Variants in PALM2AKAP2 observed in about 807,000 individuals in gnomAD.
PALM2AKAP2 encodes PALM2-AKAP2 fusion protein.
Under a neutral mutation model 71.5 loss-of-function variants are expected in PALM2AKAP2, and 37 were observed. That is an observed-to-expected ratio of 0.52 (90% confidence interval 0.40 to 0.68). The LOEUF is 0.68. PALM2AKAP2 is among the 30% of genes least tolerant of loss of function. The pLI is 0.00. For synonymous variants in PALM2AKAP2, 468 were observed against 478.8 expected, an observed-to-expected ratio of 0.98 and a Z score of 0.29; for missense variants, 1,224 against 1,191.8, an observed-to-expected ratio of 1.03 and a Z score of -0.40.
At chr9:109,721,186 G>A (rs922285141) in intron 1 of PALM2AKAP2, among the ~76,000 whole-genome samples, 1 of 152,186 alleles carries the variant, frequency 6.6e-6, no homozygotes, top group African/African-American at 2.4e-5. Context: ...AGGATTCCCA[G>A]CTAATCAGTC....
At chr9:109,920,202 G>A (rs1368650875) in intron 3 of PALM2AKAP2, among the ~76,000 whole-genome samples, 2 of 152,172 alleles carry the variant, frequency 1.3e-5, no homozygotes, top group African/African-American at 4.8e-5. Context: ...ATTGGCTAAA[G>A]CAGGTCACAT....
intron 6 of PALM2AKAP2, among the ~76,000 whole-genome samples, chr9:109,952,558 CA>C (rs1831664507): frequency 6.6e-6 from 1 of 152,122 alleles, no homozygotes; most frequent in Non-Finnish European, 1.5e-5. Context: ...GAGTTTCAAC[CA>C]ATAGAACGTG....
chr9:109,851,630 A>G (rs1167766298), intron 1 of PALM2AKAP2, among the ~76,000 whole-genome samples: 5 of 152,106 alleles, frequency 3.3e-5, no homozygotes, highest in African/African-American at 1.2e-4. Context: ...ATAAAGACCA[A>G]CCTGCCTGCA....
exon 2 of PALM2AKAP2, chr9:110,137,116 G>A (rs757036441): frequency 2.1e-5 from 34 of 1,613,232 alleles, no homozygotes; most frequent in Admixed American, 3.3e-5. Flanking sequence ...AGCCCCCATC[G>A]CAGCTCTGCA....
intron 6 of PALM2AKAP2, among the ~76,000 whole-genome samples, chr9:109,939,628 C>A (rs1831313334): frequency 6.6e-6 from 1 of 152,068 alleles, no homozygotes; most frequent in African/African-American, 2.4e-5. Context: ...TATTCTAATC[C>A]CAAACTGCTT....
At chr9:109,751,031 A>G (rs1486227323) in intron 1 of PALM2AKAP2, among the ~76,000 whole-genome samples, 1 of 152,146 alleles carries the variant, frequency 6.6e-6, no homozygotes, top group African/African-American at 2.4e-5. Flanking sequence ...CAAACTGTAC[A>G]ATCTACTTAA....
At chr9:110,059,507 C>G (rs997567660) in intron 1 of PALM2AKAP2, among the ~76,000 whole-genome samples, 2 of 152,138 alleles carry the variant, frequency 1.3e-5, no homozygotes, top group Non-Finnish European at 2.9e-5. Context: ...GATTTAAGAC[C>G]AAGGCATTCC....
At chr9:109,861,117 G>C (rs922235781) in intron 1 of PALM2AKAP2, among the ~76,000 whole-genome samples, 1 of 152,190 alleles carries the variant, frequency 6.6e-6, no homozygotes, top group Admixed American at 6.5e-5. Flanking sequence ...GCTAGAATGG[G>C]GGTTCAGTGG....
intron 3 of PALM2AKAP2, among the ~76,000 whole-genome samples, chr9:109,902,794 C>T (rs1028993161): frequency 6.6e-5 from 10 of 152,140 alleles, no homozygotes; most frequent in Admixed American, 3.9e-4. Flanking sequence ...ATATGACCGA[C>T]GCCTGCTCTG....
At chr9:109,838,588 A>C (rs1828553921) in intron 1 of PALM2AKAP2, among the ~76,000 whole-genome samples, 1 of 152,232 alleles carries the variant, frequency 6.6e-6, no homozygotes, top group Non-Finnish European at 1.5e-5. Context: ...TGAATCCAGG[A>C]GCTGGTTTTT....
At chr9:110,083,171 C>T (rs1834486961) in intron 1 of PALM2AKAP2, among the ~76,000 whole-genome samples, 1 of 151,850 alleles carries the variant, frequency 6.6e-6, no homozygotes, top group African/African-American at 2.4e-5. Context: ...AAAACAAAAA[C>T]AATGACTTTA....
In PALM2AKAP2 at chr9:110,015,952, AGGAGTCGGGTG is replaced by A; in HGVS notation, c.500_510del (p.Val167GlufsTer8). 1.2e-6 allele frequency: 2 copies of A among 1,613,514 alleles called. No individual in the cohort carries two copies. The highest frequency in any genetic ancestry group is 1.7e-6 in the Non-Finnish European group (2 of 1,179,792). The stretch of plus-strand genomic sequence containing the variant: ...AAATGGCACTTCTTTTTTTTCTTTC[AGGAGTCGGGTG>A]GGAGAATGTGCTGCTAAAGGAAGGT... On this transcript the variant is annotated splice_acceptor_variant and coding_sequence_variant, in exon 7 of 10. Coordinates refer to the PALM2AKAP2 transcript ENST00000302798. LOFTEE classifies it high-confidence loss of function.
chr9:109,982,825 G>A (rs1588043753), intron 6 of PALM2AKAP2, among the ~76,000 whole-genome samples: 1 of 152,102 alleles, frequency 6.6e-6, no homozygotes, highest in Non-Finnish European at 1.5e-5. Flanking sequence ...GTCTCACTAT[G>A]GTTGCGTAGG....
chr9:109,843,301 C>CA (rs35634219), intron 1 of PALM2AKAP2, among the ~76,000 whole-genome samples: 18,309 of 66,892 alleles, frequency 0.27, 2,653 homozygotes, highest in East Asian at 0.54. Context: ...GCCCCTGTCT[C>CA]AAAAAAAAAA....
At chr9:109,665,132 C>T (rs1485929499) in intron 1 of PALM2AKAP2, among the ~76,000 whole-genome samples, 6 of 152,154 alleles carry the variant, frequency 3.9e-5, no homozygotes, top group Non-Finnish European at 8.8e-5. Flanking sequence ...GTTCGAACCT[C>T]CTCCTTTAGC....
intron 3 of PALM2AKAP2, among the ~76,000 whole-genome samples, chr9:109,889,198 G>A (rs7032429): frequency 0.013 from 1,975 of 152,316 alleles, 47 homozygotes; most frequent in African/African-American, 0.045. Flanking sequence ...GAGTTAAAAA[G>A]AAATAGTTGC....
In PALM2AKAP2 at chr9:109,720,746, A is replaced by G. The variant is rs966701020; in HGVS notation, c.6-59742A>G. On this transcript the variant is annotated intron_variant, in intron 1 of 6. Transcript: ENST00000374531. The stretch of plus-strand genomic sequence containing the variant: ...TAGATTTGATTTGTGTTGTGTAAGG[A>G]TATACACAAATGCAGGCAAAGGAAC... Among the ~76,000 whole-genome samples, 4 of 152,242 alleles carry G rather than the reference A, an allele frequency of 2.6e-5. No individual in the cohort carries two copies. In the South Asian group the frequency reaches 8.3e-4, roughly 31 times the overall value.
intron 1 of PALM2AKAP2, among the ~76,000 whole-genome samples, chr9:109,771,173 GT>G (rs1829255626): frequency 6.6e-6 from 1 of 152,180 alleles, no homozygotes; most frequent in South Asian, 2.1e-4. Context: ...AGAGTGGCAA[GT>G]TGAGCATTCA....
At chr9:109,989,788 T>A (rs1382218437) in intron 6 of PALM2AKAP2, among the ~76,000 whole-genome samples, 1 of 152,186 alleles carries the variant, frequency 6.6e-6, no homozygotes, top group Non-Finnish European at 1.5e-5. Context: ...TCTTGTCCCA[T>A]CTAAGATATA....
Sources: allele counts gnomAD v4.1 joint callset (sites outside exome capture counted in the v4.1 genomes callset), GRCh38; gene constraint gnomAD v4.1.1; transcripts MANE v1.5; gene names NCBI Gene and HGNC (gene_info 2026-07-23, HGNC 2026-07-21).